The following BRINP3 variants were observed in gnomAD, a reference collection of about 807,000 sequenced individuals.
BRINP3 encodes BMP/retinoic acid inducible neural specific 3.
BRINP3 carries 19 observed loss-of-function variants against 71.0 expected under a neutral mutation model. The ratio of observed to expected loss-of-function variants is 0.27; its 90% CI spans 0.19 to 0.39. The LOEUF (loss-of-function observed/expected upper bound fraction) is 0.39, where lower values mean the gene tolerates loss of function less well. BRINP3 is among the 10% of genes least tolerant of loss of function. The probability of loss-of-function intolerance (pLI) is 1.00; values close to 1 mark genes in which losing one functional copy is unlikely to be tolerated. For synonymous variants in BRINP3, 380 were observed against 337.7 expected, an observed-to-expected ratio of 1.13 and a Z score of -1.37; for missense variants, 959 against 940.8, an observed-to-expected ratio of 1.02 and a Z score of -0.25.
At chr1:190,460,098 GCTTA>G (rs997759725) in intron 1 of BRINP3, among the ~76,000 whole-genome samples, 1 of 151,820 alleles carries the variant, frequency 6.6e-6, no homozygotes, top group South Asian at 2.1e-4. Context: ...TAACATTAAT[GCTTA>G]CTAATACTGA....
At chr1:190,173,804 A>AT (rs948903614) in intron 6 of BRINP3, among the ~76,000 whole-genome samples, 6 of 152,218 alleles carry the variant, frequency 3.9e-5, no homozygotes, top group South Asian at 2.1e-4. Context: ...TTTCCCCCCA[A>AT]TTTTTTGTGA....
At chr1:190,229,645 A>AACACACAC (rs71794093) in intron 5 of BRINP3, among the ~76,000 whole-genome samples, 5,443 of 133,408 alleles carry the variant, frequency 0.041, 135 homozygotes, top group East Asian at 0.092. Flanking sequence ...AACAAAACAA[A>AACACACAC]ACACACACAC....
At chr1:190,355,310 A>G (rs976723789) in intron 2 of BRINP3, among the ~76,000 whole-genome samples, 24 of 152,018 alleles carry the variant, frequency 1.6e-4, no homozygotes, top group African/African-American at 5.8e-4. Context: ...CAAAATTGCC[A>G]GATTAAGGAT....
chr1:190,468,227 G>T (rs1266714565), intron 1 of BRINP3, among the ~76,000 whole-genome samples: 2 of 151,120 alleles, frequency 1.3e-5, no homozygotes, highest in African/African-American at 4.8e-5. Flanking sequence ...TGTAATTAAA[G>T]AATCATGATA....
chr1:190,317,706 C>T (rs1363331485), intron 2 of BRINP3, among the ~76,000 whole-genome samples: 1 of 151,970 alleles, frequency 6.6e-6, no homozygotes, highest in African/African-American at 2.4e-5. Flanking sequence ...ACATCTATGC[C>T]TTTACCCGTA....
chr1:190,257,305 T>C (rs1049569954), intron 4 of BRINP3, among the ~76,000 whole-genome samples: 7 of 152,178 alleles, frequency 4.6e-5, no homozygotes, highest in African/African-American at 1.4e-4. Flanking sequence ...GCATGTGTCA[T>C]GTAGTTCTCG....
intron 2 of BRINP3, among the ~76,000 whole-genome samples, chr1:190,301,214 T>TACACAC (rs1264756341): frequency 3.0e-5 from 2 of 66,988 alleles, no homozygotes; most frequent in Non-Finnish European, 7.1e-5. Flanking sequence ...CATATATATA[T>TACACAC]ATATATATAT....
chr1:190,433,612 C>T (rs925593745), intron 2 of BRINP3, among the ~76,000 whole-genome samples: 7 of 152,212 alleles, frequency 4.6e-5, no homozygotes, highest in African/African-American at 1.4e-4. Flanking sequence ...TATTACTTCC[C>T]TTCTGTTTTC....
At chr1:190,353,195 A>G (rs1369909441) in intron 2 of BRINP3, among the ~76,000 whole-genome samples, 2 of 152,138 alleles carry the variant, frequency 1.3e-5, no homozygotes, top group East Asian at 3.9e-4. Flanking sequence ...TTGTCAGGGT[A>G]GGAAAAACTA....
intron 7 of BRINP3, among the ~76,000 whole-genome samples, chr1:190,112,880 A>G (rs1652808496): frequency 6.6e-6 from 1 of 152,146 alleles, no homozygotes; most frequent in African/African-American, 2.4e-5. Context: ...AATCAAAGCT[A>G]CTTTCAATTA....
At chr1:190,200,199 C>G (rs1044125488) in intron 6 of BRINP3, among the ~76,000 whole-genome samples, 1 of 152,088 alleles carries the variant, frequency 6.6e-6, no homozygotes, top group African/African-American at 2.4e-5. Flanking sequence ...TTCAAGGACA[C>G]GATCTTGATC....
At chr1:190,424,068 T>C (rs1471351761) in intron 2 of BRINP3, among the ~76,000 whole-genome samples, 2 of 151,652 alleles carry the variant, frequency 1.3e-5, no homozygotes, top group Non-Finnish European at 3.0e-5. Context: ...TTTTTAAATA[T>C]AGTCCAAAAT....
intron 2 of BRINP3, among the ~76,000 whole-genome samples, chr1:190,352,889 C>T (rs907899610): frequency 1.3e-5 from 2 of 151,732 alleles, no homozygotes; most frequent in African/African-American, 2.4e-5. Context: ...CTCTCTCACA[C>T]ATGCATGCAC....
intron 4 of BRINP3, among the ~76,000 whole-genome samples, chr1:190,245,008 G>A (rs1187923900): frequency 6.6e-6 from 1 of 151,788 alleles, no homozygotes; most frequent in Admixed American, 6.6e-5. Flanking sequence ...AATTCCTTAA[G>A]CATATCAAAA....
chr1:190,421,681 T>C (rs115584307), intron 2 of BRINP3, among the ~76,000 whole-genome samples: 60 of 151,854 alleles, frequency 4.0e-4, no homozygotes, highest in Non-Finnish European at 6.5e-4. Context: ...ATAGATAGAT[T>C]TGAATCCAGG....
chr1:190,463,407 A>G (rs893234944), intron 1 of BRINP3, among the ~76,000 whole-genome samples: 3 of 151,684 alleles, frequency 2.0e-5, no homozygotes, highest in Non-Finnish European at 4.4e-5. Context: ...TTTAAGTGAT[A>G]ATAGCGTGAA....
intron 6 of BRINP3, among the ~76,000 whole-genome samples, chr1:190,180,480 A>C (rs1355450483): frequency 6.6e-6 from 1 of 152,116 alleles, no homozygotes; most frequent in African/African-American, 2.4e-5. Context: ...TTCCCAATAT[A>C]GGGAAAAAAT....
At chr1:190,106,635 G>T (rs1009394973) in intron 7 of BRINP3, among the ~76,000 whole-genome samples, 1 of 150,946 alleles carries the variant, frequency 6.6e-6, no homozygotes, top group Non-Finnish European at 1.5e-5. Flanking sequence ...AAATGTTCTT[G>T]GTTGTAAAGG....
At chr1:190,463,848 G>A (rs1283695173) in intron 1 of BRINP3, among the ~76,000 whole-genome samples, 1 of 151,704 alleles carries the variant, frequency 6.6e-6, no homozygotes, top group Non-Finnish European at 1.5e-5. Flanking sequence ...TAGATAGCCA[G>A]CAAACTAAAA....
Sources: gnomAD v4.1 joint callset for allele counts (sites outside exome capture counted in the v4.1 genomes callset) on GRCh38, gnomAD v4.1.1 for gene constraint, MANE v1.5 for transcripts, NCBI Gene and HGNC (gene_info 2026-07-23, HGNC 2026-07-21) for gene names.